DYNC1I2: variants seen among roughly 807,000 people sequenced by gnomAD.
The protein encoded by DYNC1I2 is cytoplasmic dynein 1 intermediate chain 2.
In DYNC1I2, 53 loss-of-function variants were observed where a neutral mutation model predicts 88.6. That is an observed-to-expected ratio of 0.60 (90% CI 0.48 to 0.75). The LOEUF is 0.75. DYNC1I2 is among the 30% of genes least tolerant of loss of function. The probability of loss-of-function intolerance (pLI) is 0.00; values close to 1 mark genes in which losing one functional copy is unlikely to be tolerated. For missense variants in DYNC1I2, 458 were observed against 766.6 expected (o/e 0.60, Z 4.75); for synonymous variants, 198 against 254.6 (o/e 0.78, Z 2.12).
In DYNC1I2 at chr2:171,692,911, A is replaced by G. The variant is rs993359917; in HGVS notation, c.226+17A>G. On this transcript the variant is annotated intron_variant, in intron 3 of 17. Coordinates refer to ENST00000397119, the MANE Select transcript of DYNC1I2 (RefSeq NM_001378.3). ...CCCCCATTGGTAAGGTTAAGAATATATCCATTTATAAGAGATAGGCATAGA... is the reference window on the plus strand; with the variant it reads ...CCCCCATTGGTAAGGTTAAGAATATGTCCATTTATAAGAGATAGGCATAGA... The G allele has an allele frequency of 3.9e-6, 6 of 1,534,450 alleles. No homozygotes were observed. In the Admixed American group the frequency reaches 1.1e-4, roughly 29 times the overall value.
chr2:171,716,476 A>G lies in DYNC1I2; in HGVS notation c.511+1033A>G, dbSNP rs1037207260. On this transcript the variant is annotated intron_variant, in intron 7 of 17. Coordinates refer to ENST00000397119, the MANE Select transcript of DYNC1I2 (RefSeq NM_001378.3). ...TTTAATTAAATTACCATGTTTCTCC[A>G]TTAAGGAAAAACAAAAGTTATATTC... Among the ~76,000 whole-genome samples, 6 of 152,312 alleles carry G rather than the reference A, an allele frequency of 3.9e-5. No individual in the cohort carries two copies. The East Asian group carries it at 9.6e-4, about 24-fold the overall frequency.
At chr2:171,705,345 G>A (rs1686597890) in intron 3 of DYNC1I2, among the ~76,000 whole-genome samples, 1 of 152,042 alleles carries the variant, frequency 6.6e-6, no homozygotes, top group Admixed American at 6.5e-5. Flanking sequence ...AGGGGGAAAA[G>A]CATGTTAAAC....
At position 171,749,945 on chromosome 2, in the gene DYNC1I2, T is replaced by G. The variant is rs542151678; in HGVS notation, c.*2056T>G. On this transcript the variant is annotated 3_prime_UTR_variant, in exon 18 of 18. Coordinates refer to ENST00000397119, the MANE Select transcript of DYNC1I2 (RefSeq NM_001378.3). ...TATACTTTTAGAACTAAAAGCCTTA[T>G]AATTTTGAAAAATATCCAGTTACAG... Among the ~76,000 whole-genome samples, 1 of 152,312 alleles carries G rather than the reference T, an allele frequency of 6.6e-6. No homozygotes were observed.
intron 15 of DYNC1I2, among the ~76,000 whole-genome samples, chr2:171,735,779 A>G (rs1445193810): frequency 6.6e-6 from 1 of 152,248 alleles, no homozygotes; most frequent in African/African-American, 2.4e-5. Flanking sequence ...GATTATGGGT[A>G]GACCTGGTAG....
At chr2:171,709,988 G>A (rs1686984908) in intron 5 of DYNC1I2, among the ~76,000 whole-genome samples, 2 of 152,008 alleles carry the variant, frequency 1.3e-5, no homozygotes, top group South Asian at 4.1e-4. Context: ...AAGTGCTGGG[G>A]TAGCAGGCTT....
At chr2:171,722,346 T>C (rs1687954852) in intron 7 of DYNC1I2, among the ~76,000 whole-genome samples, 1 of 152,166 alleles carries the variant, frequency 6.6e-6, no homozygotes, top group Non-Finnish European at 1.5e-5. Flanking sequence ...AGATTTGTCA[T>C]TTTAAAAGTA....
intron 3 of DYNC1I2, among the ~76,000 whole-genome samples, chr2:171,703,921 C>T (rs1686469113): frequency 6.6e-6 from 1 of 152,198 alleles, no homozygotes; most frequent in African/African-American, 2.4e-5. Flanking sequence ...TTCCATTTCA[C>T]AGTCTTCTAC....
chr2:171,699,600 G>GTA (rs1400155596), intron 3 of DYNC1I2, among the ~76,000 whole-genome samples: 1 of 149,074 alleles, frequency 6.7e-6, no homozygotes, highest in African/African-American at 2.5e-5. Context: ...GAGTGTGTGT[G>GTA]TGTGTGTGTG....
intron 15 of DYNC1I2, among the ~76,000 whole-genome samples, chr2:171,737,392 C>A (rs1319891669): frequency 2.6e-5 from 4 of 152,170 alleles, no homozygotes; most frequent in Non-Finnish European, 5.9e-5. Flanking sequence ...AGACACTATT[C>A]AACTCAGCGT....
At position 171,690,266 on chromosome 2, in the gene DYNC1I2, A is replaced by G; in HGVS notation, c.108+3A>G. The G allele has an allele frequency of 6.5e-7, 1 of 1,536,574 alleles. No homozygotes were observed. Among genetic ancestry groups the G allele is most frequent in the Non-Finnish European group, 8.8e-7 (1 of 1,140,124 alleles). On this transcript the variant is annotated splice_donor_region_variant and intron_variant, in intron 2 of 17. Transcript: ENST00000397119. ...AAGAAGAAAGGAAAAAAAAAGAAGT[A>G]TGTTTGATTTTTTTGCTTAAATAAA... is the stretch of plus-strand genomic sequence containing the variant.
chr2:171,708,905 C>A (rs1686890719), intron 5 of DYNC1I2, among the ~76,000 whole-genome samples: 1 of 152,072 alleles, frequency 6.6e-6, no homozygotes, highest in African/African-American at 2.4e-5. Flanking sequence ...ATTGCCCAGG[C>A]TGGACTCGAA....
intron 15 of DYNC1I2, among the ~76,000 whole-genome samples, chr2:171,738,626 T>C (rs1056112546): frequency 2.6e-5 from 4 of 152,186 alleles, no homozygotes; most frequent in African/African-American, 9.7e-5. Context: ...GTGGAATTAC[T>C]TGGTCTTTGA....
intron 15 of DYNC1I2, among the ~76,000 whole-genome samples, chr2:171,739,533 C>A (rs1170028013): frequency 6.6e-6 from 1 of 151,864 alleles, no homozygotes; most frequent in Non-Finnish European, 1.5e-5. Flanking sequence ...AAAAATAAAA[C>A]CTCTTTAAAA....
chr2:171,707,416 G>T (rs1559374172), intron 5 of DYNC1I2, 39 bp downstream of exon 5: 1 of 1,569,106 alleles, frequency 6.4e-7, no homozygotes, highest in Non-Finnish European at 8.7e-7. Flanking sequence ...ATGATAGAAT[G>T]CATTCAGTGC....
At chr2:171,704,109 T>C (rs1298214033) in intron 3 of DYNC1I2, among the ~76,000 whole-genome samples, 2 of 152,008 alleles carry the variant, frequency 1.3e-5, no homozygotes, top group African/African-American at 2.4e-5. Flanking sequence ...CCAGACTTAA[T>C]GCTAATTCTA....
chr2:171,706,325 C>T (rs550522836), intron 3 of DYNC1I2, among the ~76,000 whole-genome samples: 1 of 152,202 alleles, frequency 6.6e-6, no homozygotes, highest in South Asian at 2.1e-4. Context: ...CAGAAGATGG[C>T]AGTGATGATC....
intron 2 of DYNC1I2, among the ~76,000 whole-genome samples, chr2:171,690,863 C>G (rs1469913035): frequency 1.3e-5 from 2 of 151,858 alleles, no homozygotes; most frequent in Non-Finnish European, 2.9e-5. Flanking sequence ...GCCATGTTAC[C>G]CAGGCTGGTC....
At chr2:171,718,732 G>A (rs143034984) in intron 7 of DYNC1I2, among the ~76,000 whole-genome samples, 129 of 152,128 alleles carry the variant, frequency 8.5e-4, no homozygotes, top group Middle Eastern at 3.4e-3. Context: ...TGCCCCGGCC[G>A]TCTCCAAACT....
intron 3 of DYNC1I2, among the ~76,000 whole-genome samples, chr2:171,694,342 A>C (rs1212668595): frequency 1.3e-5 from 2 of 152,172 alleles, no homozygotes; most frequent in African/African-American, 4.8e-5. Flanking sequence ...GTTGCTATAA[A>C]GAAATACTGA....
Sources: allele counts gnomAD v4.1 joint callset (sites outside exome capture counted in the v4.1 genomes callset), GRCh38; gene constraint gnomAD v4.1.1; transcripts MANE v1.5; gene names NCBI Gene and HGNC (gene_info 2026-07-23, HGNC 2026-07-21).